Variants in DAB1 observed in about 807,000 individuals in gnomAD.
DAB1 encodes the protein DAB adaptor protein 1, also known as disabled homolog 1.
In DAB1, 15 loss-of-function variants were observed where a neutral mutation model predicts 64.6. The ratio of observed to expected loss-of-function variants is 0.23; its 90% CI spans 0.16 to 0.36. DAB1 has a LOEUF of 0.36. Ranked by LOEUF, DAB1 falls within the 10% of genes least tolerant of loss-of-function variation. DAB1 has a pLI of 1.00. For missense variants in DAB1, 596 were observed against 706.7 expected (o/e 0.84, Z 1.78); for synonymous variants, 235 against 251.9 (o/e 0.93, Z 0.64).
At chr1:58,543,006 G>A (rs1489107690) in intron 1 of DAB1, among the ~76,000 whole-genome samples, 1 of 151,896 alleles carries the variant, frequency 6.6e-6, no homozygotes, top group Admixed American at 6.6e-5. Context: ...AAAAAAAGTG[G>A]ATCCACAGAA....
chr1:58,019,137 C>A (rs1415139109), intron 5 of DAB1, among the ~76,000 whole-genome samples: 1 of 152,132 alleles, frequency 6.6e-6, no homozygotes, highest in African/African-American at 2.4e-5. Context: ...ACTCCCAGCT[C>A]TAAAATTCTG....
chr1:57,730,415 T>C (rs555740506), intron 6 of DAB1, among the ~76,000 whole-genome samples: 1 of 152,320 alleles, frequency 6.6e-6, no homozygotes, highest in South Asian at 2.1e-4. Flanking sequence ...AATTTCCTCC[T>C]AGAAGGAGAG....
rs111450951 is a variant in DAB1, at chr1:58,064,182, G to A, written n.387+86329C>T. ...AGAAAGAACCACGGGGCCTCGTAGC[G>A]CACATAATTTGCAAGCTGATGTACA... On this transcript the variant is annotated intron_variant and non_coding_transcript_variant, in intron 5 of 20. Coordinates refer to the DAB1 transcript ENST00000485760. 1.1e-3 allele frequency among the ~76,000 whole-genome samples: 160 copies of A among 152,240 alleles called. 1 individual carries two copies. The highest frequency in any genetic ancestry group is 3.6e-3 in the African/African-American group (151 of 41,526).
At chr1:58,423,840 C>G (rs1191201928) in intron 3 of DAB1, among the ~76,000 whole-genome samples, 1 of 152,180 alleles carries the variant, frequency 6.6e-6, no homozygotes, top group Non-Finnish European at 1.5e-5. Flanking sequence ...GGCTTTTTGG[C>G]TTGTTTAACC....
intron 7 of DAB1, among the ~76,000 whole-genome samples, chr1:57,441,401 GC>G (rs1685956216): frequency 6.7e-6 from 1 of 149,632 alleles, no homozygotes; most frequent in South Asian, 2.1e-4. Context: ...CTTTGGAGAG[GC>G]TGGAGTGTAC....
chr1:57,985,804 C>A (rs1646203349), intron 5 of DAB1, among the ~76,000 whole-genome samples: 1 of 152,112 alleles, frequency 6.6e-6, no homozygotes, highest in South Asian at 2.1e-4. Context: ...GTCACACAAG[C>A]ACAGAGACTC....
intron 1 of DAB1, among the ~76,000 whole-genome samples, chr1:57,839,210 T>C (rs1159980316): frequency 6.6e-6 from 1 of 152,042 alleles, no homozygotes; most frequent in East Asian, 1.9e-4. Flanking sequence ...AAAAAATAAA[T>C]AAATAACCAC....
intron 1 of DAB1, among the ~76,000 whole-genome samples, chr1:57,838,166 G>C (rs575860827): frequency 4.6e-5 from 7 of 152,060 alleles, no homozygotes; most frequent in Middle Eastern, 3.2e-3. Context: ...GTTCTAGGCC[G>C]CCTTATCCCT....
intron 5 of DAB1, among the ~76,000 whole-genome samples, chr1:58,062,355 A>G (rs1005516731): frequency 1.3e-5 from 2 of 152,182 alleles, no homozygotes; most frequent in Non-Finnish European, 2.9e-5. Context: ...GTCTCACTAC[A>G]GCTTTGCCAG....
intron 10 of DAB1, among the ~76,000 whole-genome samples, chr1:57,024,797 C>T (rs529430842): frequency 5.3e-5 from 8 of 152,306 alleles, no homozygotes; most frequent in African/African-American, 1.9e-4. Context: ...CCCTGCCGTT[C>T]TGCAACTCCA....
rs369674213 is a variant in DAB1, at chr1:57,588,871, T to C, written n.625+60721A>G. 2.6e-5 allele frequency among the ~76,000 whole-genome samples: 4 copies of C among 152,340 alleles called. No individual in the cohort carries two copies. The East Asian group carries it at 5.8e-4, about 22-fold the overall frequency. ...AGGTATTGGCACAACTGGTTCATCATTGGTTGAGGGAAGATAACTACCTTA... is the reference window on the plus strand; with the variant it reads ...AGGTATTGGCACAACTGGTTCATCACTGGTTGAGGGAAGATAACTACCTTA... On this transcript the variant is annotated intron_variant and non_coding_transcript_variant, in intron 7 of 20. Transcript: ENST00000485760.
chr1:58,109,379 C>T (rs1651844955), intron 5 of DAB1, among the ~76,000 whole-genome samples: 1 of 152,136 alleles, frequency 6.6e-6, no homozygotes, highest in African/African-American at 2.4e-5. Context: ...CACCAACAGA[C>T]TTAAACAAGT....
At chr1:58,054,279 T>A (rs1399425718) in intron 5 of DAB1, among the ~76,000 whole-genome samples, 2 of 152,226 alleles carry the variant, frequency 1.3e-5, no homozygotes, top group Non-Finnish European at 2.9e-5. Flanking sequence ...TCTACAATTT[T>A]AAAATTCTCA....
rs1443035120 is a variant in DAB1, at chr1:58,202,326, C to T, written n.310-51738G>A. ...CTCCATTGGTTTAAGATAGTAATTG[C>T]CACTGAGTAACCCTCATGATGTAAG... On this transcript the variant is annotated intron_variant and non_coding_transcript_variant, in intron 4 of 20. Transcript: ENST00000485760. 2.6e-5 allele frequency among the ~76,000 whole-genome samples: 4 copies of T among 152,292 alleles called. No homozygotes were observed. In the East Asian group the frequency reaches 5.8e-4, roughly 22 times the overall value.
chr1:57,412,394 G>A (rs1001718274), intron 1 of DAB1, among the ~76,000 whole-genome samples: 1 of 152,210 alleles, frequency 6.6e-6, no homozygotes, highest in Non-Finnish European at 1.5e-5. Context: ...GTTGAAAGCT[G>A]AGAGAGGCTA....
chr1:57,720,042 C>T (rs917875836), intron 6 of DAB1, among the ~76,000 whole-genome samples: 1 of 152,082 alleles, frequency 6.6e-6, no homozygotes, highest in East Asian at 1.9e-4. Context: ...TCTGAGTTTC[C>T]GTCTGGAACC....
intron 6 of DAB1, among the ~76,000 whole-genome samples, chr1:57,728,641 A>G (rs1647284420): frequency 6.6e-6 from 1 of 152,124 alleles, no homozygotes; most frequent in Non-Finnish European, 1.5e-5. Context: ...ATGTGATATC[A>G]GTGGTTGGGG....
chr1:57,269,629 C>T (rs985465545), intron 2 of DAB1, among the ~76,000 whole-genome samples: 4 of 152,256 alleles, frequency 2.6e-5, no homozygotes, highest in Non-Finnish European at 5.9e-5. Flanking sequence ...TTCAGATTTA[C>T]GCCCTCCTCC....
chr1:57,865,756 G>T (rs1557525649), intron 1 of DAB1, among the ~76,000 whole-genome samples: 1 of 152,158 alleles, frequency 6.6e-6, no homozygotes, highest in Non-Finnish European at 1.5e-5. Context: ...AGACTGCGTG[G>T]ATTCAAAGCA....
Sources: gnomAD v4.1 joint callset for allele counts (sites outside exome capture counted in the v4.1 genomes callset) on GRCh38, gnomAD v4.1.1 for gene constraint, MANE v1.5 for transcripts, NCBI Gene and HGNC (gene_info 2026-07-23, HGNC 2026-07-21) for gene names.